The following PCDH9 variants were observed in gnomAD, a reference collection of about 807,000 sequenced individuals.
PCDH9 encodes the protein protocadherin 9, also known as protocadherin-9.
PCDH9 carries 24 observed loss-of-function variants against 70.6 expected under a neutral mutation model. The observed-to-expected ratio is 0.34, with a 90% CI of 0.25 to 0.48. The LOEUF (loss-of-function observed/expected upper bound fraction) is 0.48, where lower values mean the gene tolerates loss of function less well. PCDH9 is among the 20% of genes least tolerant of loss of function. The probability of loss-of-function intolerance (pLI) is 0.99; values close to 1 mark genes in which losing one functional copy is unlikely to be tolerated. For missense variants in PCDH9, 1,281 were observed against 1,503.6 expected (o/e 0.85, Z 2.45); for synonymous variants, 562 against 558.5 (o/e 1.01, Z -0.09).
At chr13:66,307,368 A>T (rs772839857) in intron 4 of PCDH9, among the ~76,000 whole-genome samples, 21 of 152,088 alleles carry the variant, frequency 1.4e-4, no homozygotes, top group Non-Finnish European at 2.6e-4. Context: ...TGTTCTGAGG[A>T]TTATTAAAGA....
At chr13:67,055,932 C>T (rs931698544) in intron 2 of PCDH9, among the ~76,000 whole-genome samples, 8 of 152,096 alleles carry the variant, frequency 5.3e-5, no homozygotes, top group East Asian at 1.9e-4. Context: ...GAGGAAGGAT[C>T]ACTTAAGGCC....
chr13:66,561,174 C>T (rs1006749601), intron 4 of PCDH9, among the ~76,000 whole-genome samples: 12 of 152,212 alleles, frequency 7.9e-5, no homozygotes, highest in African/African-American at 2.9e-4. Flanking sequence ...CGGCTGGCCC[C>T]GCCACCGGGG....
At chr13:66,680,620 T>G (rs925995398) in intron 3 of PCDH9, among the ~76,000 whole-genome samples, 1 of 151,944 alleles carries the variant, frequency 6.6e-6, no homozygotes, top group African/African-American at 2.4e-5. Context: ...TAAAGTAAAA[T>G]TGTGCTGTCA....
At chr13:66,984,002 A>C (rs1338260494) in intron 2 of PCDH9, among the ~76,000 whole-genome samples, 1 of 152,120 alleles carries the variant, frequency 6.6e-6, no homozygotes, top group African/African-American at 2.4e-5. Context: ...ATTCTAATAA[A>C]TAACAACTAA....
intron 2 of PCDH9, among the ~76,000 whole-genome samples, chr13:66,974,658 G>T (rs756812958): frequency 6.6e-6 from 1 of 151,924 alleles, no homozygotes; most frequent in African/African-American, 2.4e-5. Context: ...TACTCTATGC[G>T]CCTAACTCCT....
chr13:66,933,543 G>A (rs572320795), intron 2 of PCDH9, among the ~76,000 whole-genome samples: 1 of 152,122 alleles, frequency 6.6e-6, no homozygotes, highest in Non-Finnish European at 1.5e-5. Context: ...TTAGACCCCA[G>A]TATCTAAATT....
chr13:66,482,334 C>A (rs1304912329), intron 4 of PCDH9, among the ~76,000 whole-genome samples: 1 of 152,164 alleles, frequency 6.6e-6, no homozygotes, highest in Non-Finnish European at 1.5e-5. Flanking sequence ...GTGGCTACTG[C>A]AGTTCCAGGA....
At chr13:66,413,340 A>G (rs1055441271) in intron 4 of PCDH9, among the ~76,000 whole-genome samples, 5 of 152,226 alleles carry the variant, frequency 3.3e-5, no homozygotes, top group Admixed American at 3.3e-4. Context: ...CAAATTTAAT[A>G]TATAAGCAAC....
At chr13:66,753,934 T>C (rs2079499511) in intron 3 of PCDH9, among the ~76,000 whole-genome samples, 1 of 152,200 alleles carries the variant, frequency 6.6e-6, no homozygotes, top group Non-Finnish European at 1.5e-5. Context: ...ACCTTCATAT[T>C]CTTCTGTTAG....
chr13:66,572,051 C>G (rs2076740134), intron 4 of PCDH9, among the ~76,000 whole-genome samples: 1 of 152,008 alleles, frequency 6.6e-6, no homozygotes, highest in Non-Finnish European at 1.5e-5. Flanking sequence ...CTTGAATTCT[C>G]TTAAACTTAT....
chr13:66,891,293 TAC>T (rs1295761068), intron 3 of PCDH9, among the ~76,000 whole-genome samples: 2 of 152,280 alleles, frequency 1.3e-5, no homozygotes, highest in East Asian at 3.9e-4. Flanking sequence ...GTTCTCTAAA[TAC>T]ATTCAGAATC....
Position 67,164,467 on chromosome 13 carries a change from T to C in PCDH9, c.3036+60938A>G, listed in dbSNP as rs2138425505. Among the ~76,000 whole-genome samples the C allele has an allele frequency of 1.3e-5, 2 of 150,282 alleles. 1 individual carries two copies. Among genetic ancestry groups the C allele is most frequent in the South Asian group, 4.2e-4 (2 of 4,758 alleles). On this transcript the variant is annotated intron_variant, in intron 2 of 4. Coordinates refer to ENST00000377865, the MANE Select transcript of PCDH9 (RefSeq NM_203487.3). ...GCAGGCACCTATAATCCCAGCTACT[T>C]GGGAGGCTGAAGCAGAGAATTGCTT...
chr13:66,399,850 A>C (rs1359492329), intron 4 of PCDH9, among the ~76,000 whole-genome samples: 1 of 152,108 alleles, frequency 6.6e-6, no homozygotes, highest in East Asian at 1.9e-4. Flanking sequence ...AAATAAACAA[A>C]ACCCACCAAA....
chr13:66,946,898 G>A (rs895717069), intron 2 of PCDH9, among the ~76,000 whole-genome samples: 2 of 152,024 alleles, frequency 1.3e-5, no homozygotes, highest in East Asian at 3.9e-4. Flanking sequence ...AATTTATGTT[G>A]AATAAATGTA....
At chr13:66,320,382 T>C (rs1269403581) in intron 4 of PCDH9, among the ~76,000 whole-genome samples, 1 of 152,054 alleles carries the variant, frequency 6.6e-6, no homozygotes, top group African/African-American at 2.4e-5. Flanking sequence ...TTATCGATAC[T>C]GCTTAGGATG....
At chr13:66,477,180 G>A (rs1196945424) in intron 4 of PCDH9, among the ~76,000 whole-genome samples, 1 of 152,088 alleles carries the variant, frequency 6.6e-6, no homozygotes, top group Non-Finnish European at 1.5e-5. Flanking sequence ...TATTAGGAAA[G>A]TTTTGTTAAA....
intron 3 of PCDH9, among the ~76,000 whole-genome samples, chr13:66,738,080 A>G (rs1158967016): frequency 6.6e-6 from 1 of 152,234 alleles, no homozygotes; most frequent in Non-Finnish European, 1.5e-5. Flanking sequence ...TAACCTCTGC[A>G]GACTTAAATG....
chr13:67,172,139 G>A (rs2088303772), intron 2 of PCDH9, among the ~76,000 whole-genome samples: 1 of 152,132 alleles, frequency 6.6e-6, no homozygotes, highest in African/African-American at 2.4e-5. Context: ...TCTTCCAATT[G>A]TGGTCATGGT....
intron 2 of PCDH9, among the ~76,000 whole-genome samples, chr13:67,190,464 G>A (rs76012116): frequency 9.9e-6 from 1 of 100,970 alleles, no homozygotes; most frequent in African/African-American, 3.2e-5. Flanking sequence ...GAAATATTTT[G>A]TTTTGTTTAT....
Sources: allele counts gnomAD v4.1 joint callset (sites outside exome capture counted in the v4.1 genomes callset), GRCh38; gene constraint gnomAD v4.1.1; transcripts MANE v1.5; gene names NCBI Gene and HGNC (gene_info 2026-07-23, HGNC 2026-07-21).